DGKI: variants seen among roughly 807,000 people sequenced by gnomAD.
DGKI encodes DAG kinase iota.
In DGKI, 55 loss-of-function variants were observed where a neutral mutation model predicts 147.5. The ratio of observed to expected loss-of-function variants is 0.37; its 90% CI spans 0.30 to 0.47. The LOEUF (loss-of-function observed/expected upper bound fraction) is 0.47. DGKI is among the 20% of genes least tolerant of loss of function. The probability of loss-of-function intolerance (pLI) is 1.00; values close to 1 mark genes in which losing one functional copy is unlikely to be tolerated. For synonymous variants in DGKI, 469 were observed against 477.1 expected (o/e 0.98, Z 0.22); for missense variants, 1,007 against 1,323.8 (o/e 0.76, Z 3.71).
intron 1 of DGKI, among the ~76,000 whole-genome samples, chr7:137,742,725 G>A (rs1554470120): frequency 6.7e-6 from 1 of 148,486 alleles, no homozygotes; most frequent in Non-Finnish European, 1.5e-5. Context: ...GCTACCGGGG[G>A]AAAAAAAATA....
At chr7:137,595,263 G>A (rs1819745317) in intron 12 of DGKI, among the ~76,000 whole-genome samples, 1 of 152,208 alleles carries the variant, frequency 6.6e-6, no homozygotes, top group Non-Finnish European at 1.5e-5. Context: ...TGGCATCAGA[G>A]AGATCACAGA....
chr7:137,743,275 T>C (rs1162169948), intron 1 of DGKI, among the ~76,000 whole-genome samples: 7 of 152,238 alleles, frequency 4.6e-5, no homozygotes, highest in Non-Finnish European at 4.4e-5. Flanking sequence ...CTGAACCAAC[T>C]GGATCTAATT....
At chr7:137,763,612 G>C (rs1173669102) in intron 1 of DGKI, among the ~76,000 whole-genome samples, 2 of 152,182 alleles carry the variant, frequency 1.3e-5, no homozygotes, top group East Asian at 3.8e-4. Flanking sequence ...TGAAAACTTA[G>C]AAAATGTTTG....
chr7:137,562,852 G>C (rs1462994755), intron 19 of DGKI, among the ~76,000 whole-genome samples: 1 of 152,026 alleles, frequency 6.6e-6, no homozygotes, highest in Non-Finnish European at 1.5e-5. Context: ...AAAAATCATA[G>C]TACCAGTCTT....
chr7:137,413,364 G>C (rs1013301841), intron 28 of DGKI, among the ~76,000 whole-genome samples: 1 of 151,950 alleles, frequency 6.6e-6, no homozygotes, highest in Non-Finnish European at 1.5e-5. Context: ...TGAGGTTTGA[G>C]CTTCTATTGA....
At chr7:137,690,424 T>G (rs116288625) in intron 1 of DGKI, among the ~76,000 whole-genome samples, 3,228 of 152,294 alleles carry the variant, frequency 0.021, 116 homozygotes, top group African/African-American at 0.075. Context: ...TCCTCCATTT[T>G]CCAGCAAAGC....
chr7:137,542,651 G>C (rs1168826389), intron 20 of DGKI, among the ~76,000 whole-genome samples: 1 of 152,146 alleles, frequency 6.6e-6, no homozygotes, highest in Non-Finnish European at 1.5e-5. Context: ...CTTTTGGGGT[G>C]ACTGACTGAT....
chr7:137,778,375 A>C (rs557825826), intron 1 of DGKI, among the ~76,000 whole-genome samples: 1 of 152,302 alleles, frequency 6.6e-6, no homozygotes, highest in East Asian at 1.9e-4. Flanking sequence ...AAGGAAGATA[A>C]GAAAGCAGAG....
chr7:137,678,232 A>G (rs1823103910), intron 3 of DGKI, among the ~76,000 whole-genome samples: 1 of 150,940 alleles, frequency 6.6e-6, no homozygotes, highest in South Asian at 2.1e-4. Context: ...CACACCAACA[A>G]CTCCTCCATA....
At chr7:137,466,992 A>G in intron 24 of DGKI, 50 bp from the exon 25 acceptor site, 1 of 1,580,698 alleles carries the variant, frequency 6.3e-7, no homozygotes. Flanking sequence ...GTAATCTGGC[A>G]CCAAATTTAT....
At chr7:137,472,431 T>G (rs960719129) in intron 23 of DGKI, among the ~76,000 whole-genome samples, 1 of 138,654 alleles carries the variant, frequency 7.2e-6, no homozygotes, top group African/African-American at 2.7e-5. Context: ...ACATATTATA[T>G]GTACATATAC....
chr7:137,722,884 T>C, intron 1 of DGKI: 1 of 637,902 alleles, frequency 1.6e-6, no homozygotes, highest in South Asian at 2.1e-5. Flanking sequence ...AATAGTTGAC[T>C]ACGTTAAAAA....
Position 137,536,439 on chromosome 7 carries a change from T to G in DGKI, c.2148-14473A>C, listed in dbSNP as rs1817523303. Among the ~76,000 whole-genome samples, 3 of 152,122 alleles carry G rather than the reference T, an allele frequency of 2.0e-5. No individual in the cohort carries two copies. The South Asian group carries it at 6.2e-4, about 32-fold the overall frequency. On this transcript the variant is annotated intron_variant, in intron 20 of 32. Transcript: ENST00000614521. Reference sequence around the variant, plus strand: ...AGGAAGGTGAGACATGAACTATGCTTACCAATGAAGAACAGGGCCCGGCCC... The same window carrying G: ...AGGAAGGTGAGACATGAACTATGCTGACCAATGAAGAACAGGGCCCGGCCC...
chr7:137,664,301 C>G (rs1170565890), intron 3 of DGKI, among the ~76,000 whole-genome samples: 3 of 146,244 alleles, frequency 2.1e-5, no homozygotes, highest in African/African-American at 7.6e-5. Context: ...TCACTTGAAC[C>G]TGGGAGGTGG....
At chr7:137,624,552 G>A (rs1156449206) in intron 6 of DGKI, among the ~76,000 whole-genome samples, 7 of 152,006 alleles carry the variant, frequency 4.6e-5, no homozygotes, top group Admixed American at 2.0e-4. Context: ...CTGCCCATCT[G>A]CAGTACTTTA....
intron 28 of DGKI, among the ~76,000 whole-genome samples, chr7:137,417,443 C>T (rs187875009): frequency 2.0e-4 from 30 of 152,174 alleles, no homozygotes; most frequent in African/African-American, 6.3e-4. Context: ...GTACACATAC[C>T]AACACAGAAA....
At chr7:137,628,221 T>C (rs1254226648) in intron 6 of DGKI, among the ~76,000 whole-genome samples, 1 of 152,188 alleles carries the variant, frequency 6.6e-6, no homozygotes, top group Non-Finnish European at 1.5e-5. Context: ...TACAATACAC[T>C]GTGGTACTAA....
chr7:137,639,058 T>C (rs184510845), intron 6 of DGKI, among the ~76,000 whole-genome samples: 632 of 152,270 alleles, frequency 4.2e-3, no homozygotes, highest in Non-Finnish European at 6.9e-3. Context: ...CACAAAGATT[T>C]CAAAAATGTT....
At chr7:137,778,932 G>C (rs1397966513) in intron 1 of DGKI, among the ~76,000 whole-genome samples, 1 of 152,034 alleles carries the variant, frequency 6.6e-6, no homozygotes, top group Non-Finnish European at 1.5e-5. Context: ...TATACATACA[G>C]GTTAATCTTC....
Sources: allele counts gnomAD v4.1 joint callset (sites outside exome capture counted in the v4.1 genomes callset), GRCh38; gene constraint gnomAD v4.1.1; transcripts MANE v1.5; gene names NCBI Gene and HGNC (gene_info 2026-07-23, HGNC 2026-07-21).